Variants in SS18L1 observed in about 807,000 individuals in gnomAD.
The protein encoded by SS18L1 is calcium-responsive transactivator.
A neutral mutation model predicts 70.3 loss-of-function variants in SS18L1; 32 were observed. That is an observed-to-expected ratio of 0.46 (90% CI 0.34 to 0.61). The LOEUF (loss-of-function observed/expected upper bound fraction) is 0.61. Among genes scored for constraint, SS18L1 ranks in the 20% least tolerant of loss-of-function variants. The pLI, the probability that SS18L1 is intolerant of heterozygous loss-of-function variation, is 0.01. For missense variants in SS18L1, 430 were observed against 542.1 expected (o/e 0.79, Z 2.05); for synonymous variants, 237 against 229.7 (o/e 1.03, Z -0.29).
intron 1 of SS18L1, chr20:62,154,291 A>C (rs991044494): frequency 9.7e-7 from 1 of 1,032,008 alleles, no homozygotes; most frequent in African/African-American, 1.7e-5. Context: ...TTTTTGAAGA[A>C]TGCCGGCCAG....
rs528000063 is a variant in SS18L1 at position 62,181,190 on chromosome 20, G to A, written c.*1982G>A. On this transcript the variant is annotated 3_prime_UTR_variant, in exon 11 of 11. Transcript: ENST00000331758. ...AAGTGTTTATTTTGTAGGCACTAAG[G>A]GTTTCTAAAACCCTTAACACTGGTA... 2.0e-5 allele frequency: 4 copies of A among 198,866 alleles called. No individual in the cohort carries two copies. Among genetic ancestry groups the A allele is most frequent in the African/African-American group, 9.2e-5 (4 of 43,454 alleles). The allele number at this position is 198,866 out of a possible 1,614,324, so 12.3% of individuals were successfully genotyped here. A position where few individuals can be genotyped will look rare whatever the true frequency, so the allele number is the denominator to read the frequency against.
At chr20:62,166,048 G>A (rs1439548695) in intron 8 of SS18L1, among the ~76,000 whole-genome samples, 2 of 152,246 alleles carry the variant, frequency 1.3e-5, no homozygotes, top group Non-Finnish European at 2.9e-5. Context: ...GGGGCTGCGT[G>A]TCGGGTGGAC....
chr20:62,150,635 T>A (rs1256187014), intron 1 of SS18L1, among the ~76,000 whole-genome samples: 2 of 45,344 alleles, frequency 4.4e-5, no homozygotes, highest in Non-Finnish European at 6.7e-5. Context: ...TGAGGTGGAT[T>A]TTTTTTTTTT....
At chr20:62,150,189 C>T (rs879784751) in intron 1 of SS18L1, among the ~76,000 whole-genome samples, 2 of 152,238 alleles carry the variant, frequency 1.3e-5, no homozygotes, top group Non-Finnish European at 2.9e-5. Flanking sequence ...ACCTACACAC[C>T]GACTTCACGG....
At chr20:62,178,826 A>G (rs1601067695) in intron 10 of SS18L1, among the ~76,000 whole-genome samples, 2 of 151,980 alleles carry the variant, frequency 1.3e-5, no homozygotes, top group South Asian at 4.2e-4. Flanking sequence ...CCATTTTCTT[A>G]CTGTAGCAGG....
chr20:62,176,525 AAAAG>A (rs2057622572), intron 10 of SS18L1, among the ~76,000 whole-genome samples: 3 of 151,876 alleles, frequency 2.0e-5, no homozygotes, highest in African/African-American at 4.8e-5. Context: ...AAAAAAAGGA[AAAAG>A]AAAGGCCAGG....
At chr20:62,178,859 A>C (rs1235195355) in intron 10 of SS18L1, among the ~76,000 whole-genome samples, 1 of 152,108 alleles carries the variant, frequency 6.6e-6, no homozygotes, top group African/African-American at 2.4e-5. Flanking sequence ...TGGTGTTTGC[A>C]TTGGCTCCCA....
Position 62,143,835 on chromosome 20 carries a change from C to T in SS18L1, c.15C>T (p.Phe5=). The T allele has an allele frequency of 7.5e-7, 1 of 1,333,844 alleles. No individual in the cohort carries two copies. The allele number at this position is 1,333,844 out of a possible 1,614,324, so 82.6% of individuals were successfully genotyped here. A position where few individuals can be genotyped will look rare whatever the true frequency, so the allele number is the denominator to read the frequency against. The change falls in exon 1 of 11, where the codon TTC becomes TTT. Residue 5 remains phenylalanine (F), a synonymous_variant. Transcript: ENST00000331758. ...GCGCCGCCACCATGTCCGTGGCCTT[C>T]GCGTCTGCCCGGCCAAGAGGCAAAG... MSVA[F]ASARPRGKGE...
At chr20:62,153,258 G>T (rs901522883) in intron 1 of SS18L1, among the ~76,000 whole-genome samples, 1 of 152,138 alleles carries the variant, frequency 6.6e-6, no homozygotes, top group Non-Finnish European at 1.5e-5. Context: ...CTTCCCACTG[G>T]GTTCCTCCCA....
At chr20:62,145,858 A>G (rs2057015194) in intron 1 of SS18L1, among the ~76,000 whole-genome samples, 1 of 152,188 alleles carries the variant, frequency 6.6e-6, no homozygotes, top group Non-Finnish European at 1.5e-5. Context: ...TGTATGTTCT[A>G]TGCCTCAGAC....
At chr20:62,175,734 G>GT (rs971974904) in intron 10 of SS18L1, among the ~76,000 whole-genome samples, 1 of 152,230 alleles carries the variant, frequency 6.6e-6, no homozygotes, top group Non-Finnish European at 1.5e-5. Context: ...GCCAAAGACT[G>GT]TTTTTTAAAT....
chr20:62,177,911 A>G (rs1000459975), intron 10 of SS18L1, among the ~76,000 whole-genome samples: 41 of 151,576 alleles, frequency 2.7e-4, no homozygotes, highest in African/African-American at 9.2e-4. Flanking sequence ...TAGTAGAGAC[A>G]GGGTTTCGCC....
At chr20:62,176,314 T>C (rs2057619102) in intron 10 of SS18L1, among the ~76,000 whole-genome samples, 1 of 152,090 alleles carries the variant, frequency 6.6e-6, no homozygotes, top group African/African-American at 2.4e-5. Flanking sequence ...GCCCAGGAGT[T>C]TGAGACCAGC....
At chr20:62,147,296 A>C (rs563099831) in intron 1 of SS18L1, among the ~76,000 whole-genome samples, 1 of 152,328 alleles carries the variant, frequency 6.6e-6, no homozygotes, top group East Asian at 1.9e-4. Flanking sequence ...CAAGCACCAC[A>C]GAGGACATGA....
chr20:62,146,365 G>T (rs949714480), intron 1 of SS18L1, among the ~76,000 whole-genome samples: 7 of 152,320 alleles, frequency 4.6e-5, no homozygotes, highest in South Asian at 4.1e-4. Flanking sequence ...TGTGACGCTG[G>T]TCCCATCAGT....
chr20:62,166,076 G>A (rs2057424687), intron 8 of SS18L1, among the ~76,000 whole-genome samples: 1 of 152,236 alleles, frequency 6.6e-6, no homozygotes, highest in Non-Finnish European at 1.5e-5. Context: ...TTTCTGTGGT[G>A]TCTGTGCCCC....
At chr20:62,153,697 T>C (rs1482192245) in intron 1 of SS18L1, among the ~76,000 whole-genome samples, 4 of 152,174 alleles carry the variant, frequency 2.6e-5, no homozygotes, top group Non-Finnish European at 4.4e-5. Flanking sequence ...TTGTCACTAG[T>C]GTATCTCCTC....
chr20:62,177,165 C>T (rs528724834), intron 10 of SS18L1, among the ~76,000 whole-genome samples: 155 of 152,262 alleles, frequency 1.0e-3, no homozygotes, highest in African/African-American at 3.7e-3. Context: ...TGGCTCACGC[C>T]TATAGCACTT....
At chr20:62,160,737 A>T (rs180849542) in intron 3 of SS18L1, among the ~76,000 whole-genome samples, 4 of 152,262 alleles carry the variant, frequency 2.6e-5, no homozygotes, top group African/African-American at 9.6e-5. Context: ...AAATGCCAGG[A>T]TGTGTCTTGC....
Sources: allele counts gnomAD v4.1 joint callset (sites outside exome capture counted in the v4.1 genomes callset), GRCh38; gene constraint gnomAD v4.1.1; transcripts MANE v1.5; gene names NCBI Gene and HGNC (gene_info 2026-07-23, HGNC 2026-07-21).